Variants in GNAI2 observed in about 807,000 individuals in gnomAD.
GNAI2 encodes G protein subunit alpha i2.
In GNAI2, 4 loss-of-function variants were observed where a neutral mutation model predicts 36.8. The ratio of observed to expected loss-of-function variants is 0.11; its 90% CI spans 0.05 to 0.25. GNAI2 has a LOEUF of 0.25. Among genes scored for constraint, GNAI2 ranks in the 10% least tolerant of loss-of-function variants. The pLI, the probability that GNAI2 is intolerant of heterozygous loss-of-function variation, is 1.00. For missense variants in GNAI2, 230 were observed against 481.3 expected, an observed-to-expected ratio of 0.48 and a Z score of 4.89; for synonymous variants, 194 against 194.1, an observed-to-expected ratio of 1.00 and a Z score of 0.01.
At chr3:50,231,557 G>A (rs1221444746), upstream of GNAI2, among the ~76,000 whole-genome samples, 2 of 152,148 alleles carry the variant, frequency 1.3e-5, no homozygotes, top group South Asian at 2.1e-4. Context: ...TTACAGGCTC[G>A]AGCCACCGCA....
Position 50,241,457 on chromosome 3 carries a change from C to T in GNAI2, c.118+5004C>T, listed in dbSNP as rs1700297860. On this transcript the variant is annotated intron_variant, in intron 1 of 8. Coordinates refer to ENST00000313601, the MANE Select transcript of GNAI2 (RefSeq NM_002070.4). The surrounding 1 kb of genome is among the most constrained non-coding windows in gnomAD (Gnocchi z 5.0). ...GCATCCTGCCCAGTTCTGCTAGGCT[C>T]AGCCCCTGCCTCTCACGCCAGTGTC... Among the ~76,000 whole-genome samples the T allele has an allele frequency of 6.6e-6, 1 of 152,110 alleles. No individual in the cohort carries two copies. The highest frequency in any genetic ancestry group is 1.5e-5 in the Non-Finnish European group (1 of 68,026).
At chr3:50,255,000 C>T (rs1700655201) in intron 4 of GNAI2, among the ~76,000 whole-genome samples, 1 of 152,224 alleles carries the variant, frequency 6.6e-6, no homozygotes, top group Admixed American at 6.5e-5. Context: ...GTGGAATGCA[C>T]CATGGTACCT....
intron 1 of GNAI2, chr3:50,251,235 C>A: frequency 2.5e-6 from 1 of 406,968 alleles, no homozygotes; most frequent in Non-Finnish European, 3.3e-6. Context: ...TGAGTCCTGG[C>A]TACATGATCT....
intron 1 of GNAI2, among the ~76,000 whole-genome samples, chr3:50,251,155 G>A (rs587704368): frequency 9.2e-5 from 14 of 152,216 alleles, no homozygotes; most frequent in Middle Eastern, 3.4e-3. Context: ...GTCCCGCAGG[G>A]TCTCAGCCAC....
At position 50,256,960 on chromosome 3, in the gene GNAI2, G is replaced by A; in HGVS notation, c.747G>A (p.Lys249=). 1 of 1,614,168 alleles carries A rather than the reference G, an allele frequency of 6.2e-7. No individual in the cohort carries two copies. Among genetic ancestry groups the A allele is most frequent in the Non-Finnish European group, 8.5e-7 (1 of 1,180,024 alleles). The change falls in exon 7 of 9, where the codon AAG becomes AAA. Residue 249 remains lysine, a synonymous_variant. Transcript: ENST00000313601. ...AGAACCGCATGCATGAGAGCATGAA[G>A]CTATTCGATAGCATCTGCAACAACA... ...EEMNRMHESM[K]LFDSICNNKW...
Position 50,258,738 on chromosome 3 carries a change from C to G in GNAI2, c.*395C>G, listed in dbSNP as rs1313010104. On this transcript the variant is annotated 3_prime_UTR_variant, in exon 9 of 9. Coordinates refer to ENST00000313601, the MANE Select transcript of GNAI2 (RefSeq NM_002070.4). ...CCCAACACCAGCCCCTGCCCCAGCCCAAGTCCAAATGTTTACAGGGAGCCT... is the reference window on the plus strand; with the variant it reads ...CCCAACACCAGCCCCTGCCCCAGCCGAAGTCCAAATGTTTACAGGGAGCCT... 1 of 358,286 alleles carries G rather than the reference C, an allele frequency of 2.8e-6. No individual in the cohort carries two copies. Among genetic ancestry groups the G allele is most frequent in the African/African-American group, 2.2e-5 (1 of 46,494 alleles). 22.2% of individuals were successfully genotyped at this position (358,286 alleles called of 1,614,324 possible).
At chr3:50,246,753 T>C in intron 1 of GNAI2, 1 of 463,508 alleles carries the variant, frequency 2.2e-6, no homozygotes, top group Non-Finnish European at 3.7e-6. Flanking sequence ...CAGGGAGGTG[T>C]GCCTGGCTTT....
chr3:50,233,607 C>A (rs938503382), upstream of GNAI2, among the ~76,000 whole-genome samples: 1 of 152,198 alleles, frequency 6.6e-6, no homozygotes, highest in Non-Finnish European at 1.5e-5. Flanking sequence ...TGGAGACTGA[C>A]CTATGTGTGG....
In GNAI2 at chr3:50,236,371, G is replaced by T; in HGVS notation, c.36G>T (p.Ala12=). ...GCTVSAEDKA[A]AERSKMIDKN... ...CCGTGAGCGCCGAGGACAAGGCGGC[G>T]GCCGAGCGCTCTAAGATGATCGACA... Residue 12 remains alanine (A), a synonymous_variant, in exon 1 of 9, where the codon GCG becomes GCT. Coordinates refer to ENST00000313601, the MANE Select transcript of GNAI2 (RefSeq NM_002070.4). The surrounding 1 kb of genome is among the most constrained non-coding windows in gnomAD (Gnocchi z 4.0). 4 of 1,543,828 alleles carry T rather than the reference G, an allele frequency of 2.6e-6. No homozygotes were observed. The highest frequency in any genetic ancestry group is 3.5e-6 in the Non-Finnish European group (4 of 1,152,732).
intron 1 of GNAI2, among the ~76,000 whole-genome samples, chr3:50,250,385 T>TAG: frequency 6.6e-6 from 1 of 152,142 alleles, no homozygotes; most frequent in Non-Finnish European, 1.5e-5. Context: ...GCACAGACCT[T>TAG]ACTACCCACC....
Position 50,238,265 on chromosome 3 carries a change from T to C in GNAI2, c.118+1812T>C, listed in dbSNP as rs782079031. The C allele has an allele frequency of 6.6e-6, 1 of 152,200 alleles. No individual in the cohort carries two copies. The highest frequency in any genetic ancestry group is 2.4e-5 in the African/African-American group (1 of 41,430). The allele number at this position is 152,200 out of a possible 1,614,324, so 9.4% of individuals were successfully genotyped here. A position where few individuals can be genotyped will look rare whatever the true frequency, so the allele number is the denominator to read the frequency against. The stretch of plus-strand genomic sequence containing the variant: ...CTCTAGACAGCCTCTCCCCAGGCGA[T>C]TGCAGTTACTGTGGTGGCCGAGGAA... On this transcript the variant is annotated intron_variant, in intron 1 of 8. Coordinates refer to ENST00000313601, the MANE Select transcript of GNAI2 (RefSeq NM_002070.4). This position sits in a 1 kb window ranked among gnomAD's most constrained non-coding sequence, Gnocchi z 5.0.
At chr3:50,228,130 G>A (rs1305160220), upstream of GNAI2, among the ~76,000 whole-genome samples, 2 of 152,314 alleles carry the variant, frequency 1.3e-5, no homozygotes, top group Middle Eastern at 3.4e-3. Flanking sequence ...CCCCGGAGAC[G>A]GGACAGCCCT....
Position 50,252,922 on chromosome 3 carries a change from C to A in GNAI2, c.304-102C>A. On this transcript the variant is annotated intron_variant, in intron 3 of 8. Coordinates refer to ENST00000313601, the MANE Select transcript of GNAI2 (RefSeq NM_002070.4). The surrounding 1 kb of genome is among the most constrained non-coding windows in gnomAD (Gnocchi z 4.1). Reference sequence around the variant, plus strand: ...TAGGGCAAGTCTCATCCTAGGGAATCCAAGAATACCCTAGCCTGGGCCCCA... The same window carrying A: ...TAGGGCAAGTCTCATCCTAGGGAATACAAGAATACCCTAGCCTGGGCCCCA... The A allele has an allele frequency of 1.1e-6, 1 of 913,452 alleles. No individual in the cohort carries two copies. Among genetic ancestry groups the A allele is most frequent in the Non-Finnish European group, 1.7e-6 (1 of 599,936 alleles). 56.6% of individuals were successfully genotyped at this position (913,452 alleles called of 1,614,324 possible). A position where few individuals can be genotyped will look rare whatever the true frequency, so the allele number is the denominator to read the frequency against.
At chr3:50,239,269 T>C (rs1700250901) in intron 1 of GNAI2, among the ~76,000 whole-genome samples, 1 of 152,224 alleles carries the variant, frequency 6.6e-6, no homozygotes, top group Admixed American at 6.5e-5. Flanking sequence ...GGCTTCAGAA[T>C]GTAAACAGAG....
At chr3:50,246,842 C>T (rs1700436159) in intron 1 of GNAI2, 2 of 1,319,988 alleles carry the variant, frequency 1.5e-6, no homozygotes, top group South Asian at 1.6e-5. Context: ...GTAGGAGTGC[C>T]GGGTTATACT....
rs1700322159 is a variant in GNAI2, at chr3:50,242,614, A to C, written c.118+6161A>C. Among the ~76,000 whole-genome samples the C allele has an allele frequency of 6.9e-6, 1 of 144,926 alleles. No individual in the cohort carries two copies. The highest frequency in any genetic ancestry group is 2.3e-4 in the South Asian group (1 of 4,348). ...CTCGTTCTTACTAAACCCCAACCCC[A>C]CCCTCACCCTGATGTTACTTCTTGG... On this transcript the variant is annotated intron_variant, in intron 1 of 8. Coordinates refer to ENST00000313601, the MANE Select transcript of GNAI2 (RefSeq NM_002070.4). The surrounding 1 kb of genome is among the most constrained non-coding windows in gnomAD (Gnocchi z 4.8).
chr3:50,244,872 C>CAG (rs1700380498), intron 1 of GNAI2, among the ~76,000 whole-genome samples: 1 of 152,204 alleles, frequency 6.6e-6, no homozygotes, highest in Admixed American at 6.5e-5. Flanking sequence ...ATGCACAGAG[C>CAG]AGAGACCCGT....
At chr3:50,233,489 G>A (rs587758837), upstream of GNAI2, among the ~76,000 whole-genome samples, 1 of 152,328 alleles carries the variant, frequency 6.6e-6, no homozygotes, top group African/African-American at 2.4e-5. Flanking sequence ...AGAGGGAAGG[G>A]GAGGGTCCCA....
At chr3:50,249,914 G>T (rs1293042278) in intron 1 of GNAI2, among the ~76,000 whole-genome samples, 11 of 152,358 alleles carry the variant, frequency 7.2e-5, no homozygotes, top group Admixed American at 2.0e-4. Context: ...AATGCCTGCT[G>T]CCGCTTGTTG....
Sources: gnomAD v4.1 joint callset for allele counts (sites outside exome capture counted in the v4.1 genomes callset) on GRCh38, gnomAD v4.1.1 for gene constraint, Gnocchi (gnomAD v3.1) non-coding constraint, MANE v1.5 for transcripts, NCBI Gene and HGNC (gene_info 2026-07-23, HGNC 2026-07-21) for gene names.